Variants in PSTPIP2 observed in about 807,000 individuals in gnomAD.
PSTPIP2 encodes proline-serine-threonine phosphatase interacting protein 2.
In PSTPIP2, 33 loss-of-function variants were observed where a neutral mutation model predicts 63.3. That is an observed-to-expected ratio of 0.52 (90% CI 0.40 to 0.70). The LOEUF is 0.70. Ranked by LOEUF, PSTPIP2 falls within the 30% of genes least tolerant of loss-of-function variation. PSTPIP2 has a pLI of 0.00. For missense variants in PSTPIP2, 312 were observed against 400.7 expected (o/e 0.78, Z 1.89); for synonymous variants, 125 against 132.7 (o/e 0.94, Z 0.40).
At chr18:46,062,920 G>C (rs553791959) in intron 1 of PSTPIP2, among the ~76,000 whole-genome samples, 1 of 152,256 alleles carries the variant, frequency 6.6e-6, no homozygotes, top group East Asian at 1.9e-4. Context: ...CCTGAGGGCA[G>C]GAATCCACCT....
Position 46,006,360 on chromosome 18 carries a change from CTTTTTTTTTTTTTTT to C in PSTPIP2, c.355-844_355-830del, listed in dbSNP as rs756384731. Among the ~76,000 whole-genome samples the C allele has an allele frequency of 3.3e-4, 38 of 115,646 alleles. 1 individual carries two copies. The highest frequency in any genetic ancestry group is 1.1e-3 in the African/African-American group (29 of 27,118). 75.9% of individuals were successfully genotyped at this position (115,646 alleles called of 152,430 possible). ...TGAGCCACCATGCCCAGCCCTGGTA[CTTTTTTTTTTTTTTT>C]TTTTTTTTTTTTCTGAGACAGAGTT... On this transcript the variant is annotated intron_variant, in intron 5 of 14. Transcript: ENST00000409746.
intron 12 of PSTPIP2, among the ~76,000 whole-genome samples, chr18:45,991,208 CATCTTTACT>C (rs2051527915): frequency 6.6e-6 from 1 of 152,200 alleles, no homozygotes. Flanking sequence ...AGGCACTCCC[CATCTTTACT>C]AAAACTGGAG....
intron 1 of PSTPIP2, among the ~76,000 whole-genome samples, chr18:46,059,036 C>G (rs866879047): frequency 1.6e-5 from 2 of 123,270 alleles, no homozygotes; most frequent in African/African-American, 2.8e-5. Context: ...TTCTTTTTTT[C>G]TTTTTCTTTT....
chr18:46,070,247 C>T (rs1909344870), intron 1 of PSTPIP2, among the ~76,000 whole-genome samples: 1 of 152,216 alleles, frequency 6.6e-6, no homozygotes. Flanking sequence ...TCAAACCCTG[C>T]ATGTCACCCA....
intron 2 of PSTPIP2, chr18:46,029,117 T>A (rs1377657687): frequency 3.6e-6 from 3 of 825,542 alleles, no homozygotes; most frequent in Admixed American, 3.4e-5. Context: ...CTTATTTTAG[T>A]GCTAATGGGG....
At chr18:46,017,213 A>G (rs980525452) in intron 3 of PSTPIP2, among the ~76,000 whole-genome samples, 6 of 152,152 alleles carry the variant, frequency 3.9e-5, no homozygotes, top group African/African-American at 1.4e-4. Context: ...TCAGTATTTT[A>G]AAGACATAAT....
At chr18:46,012,142 T>C (rs900628755) in intron 4 of PSTPIP2, among the ~76,000 whole-genome samples, 6 of 152,018 alleles carry the variant, frequency 3.9e-5, no homozygotes, top group African/African-American at 1.4e-4. Context: ...CATTTGGAAA[T>C]ACACCCAGCC....
chr18:45,988,698 T>G lies in PSTPIP2; in HGVS notation c.*8+4A>C, dbSNP rs2051492686. On this transcript the variant is annotated splice_donor_region_variant and intron_variant, in intron 14 of 14. Transcript: ENST00000409746. ...TCAATTATGTGAAAAATAAAGGTTCTTACCATTGATTTTACTGATAGAGCA... is the reference window on the plus strand; with the variant it reads ...TCAATTATGTGAAAAATAAAGGTTCGTACCATTGATTTTACTGATAGAGCA... The G allele has an allele frequency of 6.5e-7, 1 of 1,537,950 alleles. No homozygotes were observed. The highest frequency in any genetic ancestry group is 9.0e-7 in the Non-Finnish European group (1 of 1,110,918).
intron 2 of PSTPIP2, 109 bp from the exon 3 acceptor site, chr18:46,024,795 C>T: frequency 1.3e-6 from 1 of 785,594 alleles, no homozygotes; most frequent in South Asian, 1.5e-5. Flanking sequence ...CATAGAAGCT[C>T]AGATACAACA....
chr18:45,993,860 C>T, intron 9 of PSTPIP2, 157 bp from the exon 10 acceptor site: 2 of 633,638 alleles, frequency 3.2e-6, no homozygotes, highest in Non-Finnish European at 5.6e-6. Context: ...AACTCATAAA[C>T]TCATATCACA....
At chr18:46,005,381 T>A (rs2051714099) in intron 6 of PSTPIP2, 88 bp downstream of exon 6, 1 of 1,090,752 alleles carries the variant, frequency 9.2e-7, no homozygotes, top group South Asian at 1.5e-5. Context: ...TTTTGAAATG[T>A]TATTTGAGTA....
intron 14 of PSTPIP2, among the ~76,000 whole-genome samples, chr18:45,985,733 T>C (rs2051460163): frequency 6.6e-6 from 1 of 152,100 alleles, no homozygotes; most frequent in African/African-American, 2.4e-5. Context: ...GCAGCTAAAA[T>C]CAACAACTAC....
rs552618568 is a variant in PSTPIP2, at chr18:46,014,229, C to T, written c.247+1674G>A. 3.9e-5 allele frequency among the ~76,000 whole-genome samples: 6 copies of T among 152,122 alleles called. No homozygotes were observed. The South Asian group carries it at 1.0e-3, about 26-fold the overall frequency. ...TCGAGATGGAGTTTTACCATGTTGG[C>T]CAGACTAGTCTTGAACTCCTGACCT... On this transcript the variant is annotated intron_variant, in intron 4 of 14. Coordinates refer to ENST00000409746, the MANE Select transcript of PSTPIP2 (RefSeq NM_024430.4).
At chr18:46,015,175 T>A (rs1248262694) in intron 4 of PSTPIP2, among the ~76,000 whole-genome samples, 2 of 152,212 alleles carry the variant, frequency 1.3e-5, no homozygotes, top group East Asian at 3.9e-4. Flanking sequence ...GAGAGAGCAG[T>A]TCCAGGTGAG....
intron 1 of PSTPIP2, among the ~76,000 whole-genome samples, chr18:46,047,969 TAG>T (rs1448554330): frequency 1.3e-5 from 2 of 152,200 alleles, no homozygotes; most frequent in Non-Finnish European, 2.9e-5. Context: ...AACACTATGC[TAG>T]GCTAAATAAG....
intron 4 of PSTPIP2, among the ~76,000 whole-genome samples, chr18:46,013,063 T>G (rs609331): frequency 0.34 from 51,121 of 151,134 alleles, 12,144 homozygotes; most frequent in African/African-American, 0.66. Flanking sequence ...TGTCTCATTT[T>G]AATTTTTAAG....
chr18:46,017,196 T>G (rs1384392596), intron 3 of PSTPIP2, among the ~76,000 whole-genome samples: 1 of 152,200 alleles, frequency 6.6e-6, no homozygotes, highest in African/African-American at 2.4e-5. Flanking sequence ...TTGATAATTA[T>G]TTCCTCTCAG....
chr18:46,000,021 C>T (rs1360504209), intron 6 of PSTPIP2, among the ~76,000 whole-genome samples: 1 of 152,146 alleles, frequency 6.6e-6, no homozygotes, highest in Non-Finnish European at 1.5e-5. Context: ...CACCTGTGGT[C>T]CCAGCTACTT....
intron 2 of PSTPIP2, chr18:46,028,995 A>G: frequency 2.2e-6 from 2 of 891,720 alleles, no homozygotes; most frequent in South Asian, 2.6e-5. Context: ...GTCCTTGTGC[A>G]CAGATTGTGA....
Sources: gnomAD v4.1 joint callset for allele counts (sites outside exome capture counted in the v4.1 genomes callset) on GRCh38, gnomAD v4.1.1 for gene constraint, MANE v1.5 for transcripts, NCBI Gene and HGNC (gene_info 2026-07-23, HGNC 2026-07-21) for gene names.